Variants in TSC1 observed in about 807,000 individuals in gnomAD.
TSC1 encodes hamartin.
Under a neutral mutation model 124.3 loss-of-function variants are expected in TSC1, and 20 were observed. The ratio of observed to expected loss-of-function variants is 0.16; its 90% CI spans 0.11 to 0.23. The LOEUF is 0.23. TSC1 is among the 10% of genes least tolerant of loss of function. The probability of loss-of-function intolerance (pLI) is 1.00; values close to 1 mark genes in which losing one functional copy is unlikely to be tolerated. For synonymous variants in TSC1, 493 were observed against 539.1 expected (o/e 0.91, Z 1.19); for missense variants, 1,124 against 1,448.5 (o/e 0.78, Z 3.64).
intron 1 of TSC1, among the ~76,000 whole-genome samples, chr9:132,938,821 A>G (rs1588382192): frequency 1.3e-5 from 2 of 152,166 alleles, no homozygotes; most frequent in African/African-American, 4.8e-5. Context: ...TTACAGGTGA[A>G]TATTCGAATT....
chr9:132,944,287 G>A (rs938149941), intron 1 of TSC1, among the ~76,000 whole-genome samples: 44 of 152,116 alleles, frequency 2.9e-4, no homozygotes, highest in Non-Finnish European at 4.0e-4. Context: ...GTCCCCTCGG[G>A]GGCCAAGGAG....
intron 8 of TSC1, among the ~76,000 whole-genome samples, chr9:132,913,891 G>GTTTTTTTTT (rs775823272): frequency 1.7e-4 from 10 of 58,370 alleles, no homozygotes; most frequent in Admixed American, 2.9e-4. Flanking sequence ...GTTTTGTTTT[G>GTTTTTTTTT]TTTTTTTTTT....
Position 132,898,698 on chromosome 9 carries a change from G to A in TSC1, c.2626-1088C>T, listed in dbSNP as rs1272727864. Among the ~76,000 whole-genome samples the A allele has an allele frequency of 4.6e-5, 7 of 152,272 alleles. No homozygotes were observed. In the East Asian group the frequency reaches 5.8e-4, roughly 13 times the overall value. On this transcript the variant is annotated intron_variant, in intron 20 of 22. Coordinates refer to ENST00000298552, the MANE Select transcript of TSC1 (RefSeq NM_000368.5). Reference sequence around the variant, plus strand: ...GCAAAGCATTGAACCAGGAACATCCGTGCACTCTCACTAATCCTTACAGCT... The same window carrying A: ...GCAAAGCATTGAACCAGGAACATCCATGCACTCTCACTAATCCTTACAGCT...
In TSC1 at chr9:132,921,287, C is replaced by CA. The variant is rs1846536562; in HGVS notation, c.737+75dup. 2 of 1,482,242 alleles carry CA rather than the reference C, an allele frequency of 1.3e-6. No individual in the cohort carries two copies. The highest frequency in any genetic ancestry group is 3.5e-5 in the Admixed American group (2 of 57,782). The allele number at this position is 1,482,242 out of a possible 1,614,324, so 91.8% of individuals were successfully genotyped here. A position where few individuals can be genotyped will look rare whatever the true frequency, so the allele number is the denominator to read the frequency against. Reference sequence around the variant, plus strand: ...AACATCTATATTCCCAAATATACCTCAACAGGGATTACCTCCTAGATCACA... The same window carrying CA: ...AACATCTATATTCCCAAATATACCTCAAACAGGGATTACCTCCTAGATCACA... On this transcript the variant is annotated intron_variant, in intron 8 of 22. Transcript: ENST00000298552. The surrounding 1 kb of genome is among the most constrained non-coding windows in gnomAD (Gnocchi z 4.3).
At chr9:132,916,556 T>C (rs1846280488) in intron 8 of TSC1, among the ~76,000 whole-genome samples, 1 of 152,240 alleles carries the variant, frequency 6.6e-6, no homozygotes, top group Non-Finnish European at 1.5e-5. Context: ...TATGACTACC[T>C]AAGTACTACT....
At chr9:132,916,643 C>T (rs1241844539) in intron 8 of TSC1, among the ~76,000 whole-genome samples, 1 of 152,184 alleles carries the variant, frequency 6.6e-6, no homozygotes, top group African/African-American at 2.4e-5. Context: ...CTCTTCCTCA[C>T]TTTTTTGTGT....
intron 1 of TSC1, among the ~76,000 whole-genome samples, chr9:132,937,546 G>A (rs1230043207): frequency 1.3e-5 from 2 of 152,134 alleles, no homozygotes; most frequent in South Asian, 2.1e-4. Flanking sequence ...TTCCTCTTGC[G>A]ACTAATCCCG....
intron 10 of TSC1, 72 bp downstream of exon 10, chr9:132,911,381 C>T (rs1480090767): frequency 1.6e-6 from 2 of 1,230,652 alleles, no homozygotes. Context: ...CAACCACATA[C>T]TAAATCTGAC....
intron 2 of TSC1, chr9:132,931,174 A>C (rs1395866587): frequency 1.3e-5 from 2 of 152,130 alleles, no homozygotes; most frequent in Non-Finnish European, 2.9e-5. Context: ...TCTTGTCCCT[A>C]AGTTTGGTTT....
At chr9:132,936,831 T>C (rs1449579545) in intron 1 of TSC1, among the ~76,000 whole-genome samples, 1 of 152,242 alleles carries the variant, frequency 6.6e-6, no homozygotes, top group Non-Finnish European at 1.5e-5. Context: ...GAGCCTCATA[T>C]ACTATGGACA....
intron 8 of TSC1, among the ~76,000 whole-genome samples, chr9:132,919,342 TATC>T (rs1366037097): frequency 6.6e-6 from 1 of 152,000 alleles, no homozygotes; most frequent in Non-Finnish European, 1.5e-5. Context: ...CTAAAGAAAA[TATC>T]ATAGAACTTG....
At chr9:132,944,281 C>T (rs928043802) in intron 1 of TSC1, among the ~76,000 whole-genome samples, 8 of 152,130 alleles carry the variant, frequency 5.3e-5, no homozygotes, top group African/African-American at 9.7e-5. Context: ...GCAGCCGTCC[C>T]CTCGGGGGCC....
At position 132,923,220 on chromosome 9, in the gene TSC1, G is replaced by A; in HGVS notation, c.508+128C>T. The A allele has an allele frequency of 7.6e-7, 1 of 1,317,554 alleles. No homozygotes were observed. The highest frequency in any genetic ancestry group is 2.4e-5 in the East Asian group (1 of 40,870). 81.6% of individuals were successfully genotyped at this position (1,317,554 alleles called of 1,614,324 possible). On this transcript the variant is annotated intron_variant, in intron 6 of 22. Transcript: ENST00000298552. This position sits in a 1 kb window ranked among gnomAD's most constrained non-coding sequence, Gnocchi z 4.2. ...ATGCACCCAAGATATTCCCTCATCT[G>A]TCTGGTGAAAACCACTCATTTCAGC...
In TSC1 at chr9:132,923,628, C is replaced by T; in HGVS notation, c.364-136G>A. 1 of 1,228,284 alleles carries T rather than the reference C, an allele frequency of 8.1e-7. No homozygotes were observed. The highest frequency in any genetic ancestry group is 1.2e-6 in the Non-Finnish European group (1 of 854,568). The allele number at this position is 1,228,284 out of a possible 1,614,324, so 76.1% of individuals were successfully genotyped here. Reference sequence around the variant, plus strand: ...TTGACTCACGTACTCATTTCCCTATCCCTAAGGATTACTGAAGGGATAACA... The same window carrying T: ...TTGACTCACGTACTCATTTCCCTATTCCTAAGGATTACTGAAGGGATAACA... On this transcript the variant is annotated intron_variant, in intron 5 of 22. Coordinates refer to ENST00000298552, the MANE Select transcript of TSC1 (RefSeq NM_000368.5). This position sits in a 1 kb window ranked among gnomAD's most constrained non-coding sequence, Gnocchi z 4.2.
Position 132,921,710 on chromosome 9 carries a change from C to T in TSC1, c.663+109G>A. 1 of 1,462,138 alleles carries T rather than the reference C, an allele frequency of 6.8e-7. No homozygotes were observed. The highest frequency in any genetic ancestry group is 1.7e-5 in the Admixed American group (1 of 59,224). The allele number at this position is 1,462,138 out of a possible 1,614,324, so 90.6% of individuals were successfully genotyped here. On this transcript the variant is annotated intron_variant, in intron 7 of 22. Coordinates refer to ENST00000298552, the MANE Select transcript of TSC1 (RefSeq NM_000368.5). This position sits in a 1 kb window ranked among gnomAD's most constrained non-coding sequence, Gnocchi z 4.3. ...GGGATTGGAGTGGCGAGGAAGAAAA[C>T]TGAATTTCTTTTCAAAATTTCCCTG...
chr9:132,944,535 A>G lies in TSC1; in HGVS notation c.-144+8T>C, dbSNP rs2132537222. On this transcript the variant is annotated splice_region_variant and intron_variant, in intron 1 of 22. Transcript: ENST00000298552. ...ATAAAAAGGAGGGGGAGACACCCCC[A>G]TACTCACCCACCGTCTCCTCCCCCT... 2.5e-6 allele frequency: 1 copy of G among 398,430 alleles called. No individual in the cohort carries two copies. The highest frequency in any genetic ancestry group is 1.3e-4 in the South Asian group (1 of 7,848). 24.7% of individuals were successfully genotyped at this position (398,430 alleles called of 1,614,324 possible).
At chr9:132,926,745 G>A (rs572525748) in intron 4 of TSC1, 69 of 211,104 alleles carry the variant, frequency 3.3e-4, no homozygotes, top group African/African-American at 1.6e-3. Flanking sequence ...TGCAATCTCA[G>A]GTCACTGCAA....
Position 132,896,393 on chromosome 9 carries a change from G to T in TSC1, c.3337C>A (p.Leu1113Ile), listed in dbSNP as rs1449696743. ...QCDEDGMTSS[L>I]SESLKTELGK... ...AGTTCTGTCTTTAGGCTCTCAGAAA[G>T]GCTACTGGTCATGCCGTCCTCATCA... The change falls in exon 23 of 23, where the codon CTT (leucine) becomes ATT (isoleucine). Residue 1113 changes from leucine to isoleucine, a missense_variant. Leu to Ile is a conservative substitution (Grantham distance 5). Around this residue, in one of 5 missense-constraint regions of TSC1, gnomAD observed 325 missense variants for 383.4 expected, o/e 0.85. Coordinates refer to ENST00000298552, the MANE Select transcript of TSC1 (RefSeq NM_000368.5). This position sits in a 1 kb window ranked among gnomAD's most constrained non-coding sequence, Gnocchi z 4.5. The T allele has an allele frequency of 6.2e-7, 1 of 1,614,194 alleles. No homozygotes were observed. Among genetic ancestry groups the T allele is most frequent in the Admixed American group, 1.7e-5 (1 of 60,022 alleles).
At chr9:132,917,191 G>A (rs1564493967) in intron 8 of TSC1, among the ~76,000 whole-genome samples, 1 of 151,878 alleles carries the variant, frequency 6.6e-6, no homozygotes, top group Non-Finnish European at 1.5e-5. Flanking sequence ...TTACAATATT[G>A]AGACCTGGTG....
Sources: gnomAD v4.1 joint callset for allele counts (sites outside exome capture counted in the v4.1 genomes callset) on GRCh38, gnomAD v4.1.1 for gene constraint, gnomAD v4.1.1 regional missense constraint, Gnocchi (gnomAD v3.1) non-coding constraint, MANE v1.5 for transcripts, NCBI Gene and HGNC (gene_info 2026-07-23, HGNC 2026-07-21) for gene names.